STXBP3: variants seen among roughly 807,000 people sequenced by gnomAD.
STXBP3 encodes syntaxin binding protein 3, also known as syntaxin-binding protein 3.
In STXBP3, 41 loss-of-function variants were observed where a neutral mutation model predicts 85.7. The ratio of observed to expected loss-of-function variants is 0.48; its 90% confidence interval spans 0.37 to 0.62. STXBP3 has a LOEUF of 0.62. Among genes scored for constraint, STXBP3 ranks in the 20% least tolerant of loss-of-function variants. STXBP3 has a pLI of 0.00. For missense variants in STXBP3, 563 were observed against 703.1 expected, an observed-to-expected ratio of 0.80 and a Z score of 2.25; for synonymous variants, 229 against 231.7, an observed-to-expected ratio of 0.99 and a Z score of 0.10.
chr1:108,751,966 A>G (rs533166560), intron 1 of STXBP3, among the ~76,000 whole-genome samples: 13 of 152,266 alleles, frequency 8.5e-5, no homozygotes, highest in African/African-American at 2.9e-4. Flanking sequence ...AGAATAGGAA[A>G]AACCAAATCA....
intron 8 of STXBP3, 141 bp from the exon 9 acceptor site, chr1:108,779,145 T>G: frequency 1.2e-6 from 1 of 824,352 alleles, no homozygotes; most frequent in Non-Finnish European, 1.8e-6. Flanking sequence ...CAATTAACCA[T>G]TTGTTTTGTT....
intron 1 of STXBP3, among the ~76,000 whole-genome samples, chr1:108,747,158 G>A (rs371180638): frequency 6.4e-3 from 172 of 26,942 alleles, no homozygotes; most frequent in African/African-American, 0.02. Flanking sequence ...CACCAGTTGG[G>A]GATGTCTCTC....
At chr1:108,794,620 G>A (rs1445904390) in intron 12 of STXBP3, among the ~76,000 whole-genome samples, 1 of 152,198 alleles carries the variant, frequency 6.6e-6, no homozygotes, top group African/African-American at 2.4e-5. Flanking sequence ...ACTACAAGAT[G>A]AGATTTAGGT....
At chr1:108,802,944 A>G (rs972527894) in intron 17 of STXBP3, among the ~76,000 whole-genome samples, 24 of 152,354 alleles carry the variant, frequency 1.6e-4, no homozygotes, top group African/African-American at 5.8e-4. Context: ...TAGTTGGTAT[A>G]TAGTTATATG....
chr1:108,775,585 G>T (rs1662569872), intron 7 of STXBP3, among the ~76,000 whole-genome samples: 1 of 151,584 alleles, frequency 6.6e-6, no homozygotes, highest in African/African-American at 2.4e-5. Flanking sequence ...CCAGCCTCTG[G>T]TAACCATCTT....
At chr1:108,780,150 A>T (rs1415613623) in intron 9 of STXBP3, 1 of 152,182 alleles carries the variant, frequency 6.6e-6, no homozygotes, top group Non-Finnish European at 1.5e-5. Flanking sequence ...TTTTATGTTT[A>T]AACTAATTTG....
intron 6 of STXBP3, chr1:108,766,748 C>T (rs1195473471): frequency 5.5e-6 from 1 of 180,768 alleles, no homozygotes; most frequent in East Asian, 1.7e-4. Context: ...ATTCTTAGAA[C>T]TGGACCATAG....
chr1:108,769,604 TA>T (rs1394373975), intron 6 of STXBP3, among the ~76,000 whole-genome samples: 1 of 152,078 alleles, frequency 6.6e-6, no homozygotes, highest in Non-Finnish European at 1.5e-5. Context: ...TATAGGTTTA[TA>T]AAGATGAAAA....
intron 11 of STXBP3, among the ~76,000 whole-genome samples, chr1:108,789,955 A>C (rs977047234): frequency 6.7e-6 from 1 of 148,300 alleles, no homozygotes; most frequent in Admixed American, 6.8e-5. Flanking sequence ...GGCTCCAGCT[A>C]CTCAGGAGGC....
rs572138519 is a variant in STXBP3, at chr1:108,788,541, G to C, written c.964-5041G>C. On this transcript the variant is annotated intron_variant, in intron 11 of 18. Coordinates refer to ENST00000370008, the MANE Select transcript of STXBP3 (RefSeq NM_007269.4). ...TCAGGCATAGAGACTTCTTTATGGGGAGGTCTTTCGTTATAATTAATGATA... is the reference window on the plus strand; with the variant it reads ...TCAGGCATAGAGACTTCTTTATGGGCAGGTCTTTCGTTATAATTAATGATA... Among the ~76,000 whole-genome samples, 13 of 152,204 alleles carry C rather than the reference G, an allele frequency of 8.5e-5. No individual in the cohort carries two copies. In the East Asian group the frequency reaches 2.5e-3, roughly 29 times the overall value.
At chr1:108,784,379 C>T (rs542173334) in intron 11 of STXBP3, among the ~76,000 whole-genome samples, 27 of 152,306 alleles carry the variant, frequency 1.8e-4, no homozygotes, top group Admixed American at 3.9e-4. Context: ...CACCATGTCA[C>T]AGGGAGAATG....
At chr1:108,748,798 T>A (rs989256754) in intron 1 of STXBP3, among the ~76,000 whole-genome samples, 2 of 152,124 alleles carry the variant, frequency 1.3e-5, no homozygotes, top group African/African-American at 2.4e-5. Flanking sequence ...TGCCACTCAA[T>A]TCAGCCTGGG....
rs372135521 is a variant in STXBP3, at chr1:108,805,702, C to T, written c.1536-1699C>T. 1.4e-4 allele frequency among the ~76,000 whole-genome samples: 21 copies of T among 152,302 alleles called. No homozygotes were observed. In the East Asian group the frequency reaches 3.9e-3, roughly 28 times the overall value. On this transcript the variant is annotated intron_variant, in intron 17 of 18. Coordinates refer to ENST00000370008, the MANE Select transcript of STXBP3 (RefSeq NM_007269.4). ...CCTCCCGAAGTGCTGGGATTACAGA[C>T]GTGAGCCACCACGCCCAGCCAAGAA...
chr1:108,794,728 G>A, intron 12 of STXBP3, 99 bp from the exon 13 acceptor site: 3 of 953,658 alleles, frequency 3.1e-6, no homozygotes, highest in Non-Finnish European at 4.8e-6. Context: ...TTTCACCTCA[G>A]CCCATACTTT....
At chr1:108,783,092 G>A (rs779676136) in intron 11 of STXBP3, among the ~76,000 whole-genome samples, 2 of 152,206 alleles carry the variant, frequency 1.3e-5, no homozygotes, top group Non-Finnish European at 2.9e-5. Context: ...GTTTTGCCAT[G>A]TTGGCCAGGC....
rs746467855 is a variant in STXBP3, at chr1:108,794,847, A to G, written c.1050A>G (p.Leu350=). 4 of 1,610,752 alleles carry G rather than the reference A, an allele frequency of 2.5e-6. No individual in the cohort carries two copies. The highest frequency in any genetic ancestry group is 3.4e-6 in the Non-Finnish European group (4 of 1,178,166). The change falls in exon 13 of 19, where the codon TTA becomes TTG. Residue 350 remains leucine (L), a synonymous_variant. Coordinates refer to ENST00000370008, the MANE Select transcript of STXBP3 (RefSeq NM_007269.4). The stretch of plus-strand genomic sequence containing the variant: ...TTCAGCAAGTTGTCCATCTTAACTT[A>G]GCAGAAGATTGCATGAATAAGTTCA... ...QITKQVVHLN[L]AEDCMNKFKL... is the part of the protein sequence containing the mutation.
intron 12 of STXBP3, 136 bp from the exon 13 acceptor site, chr1:108,794,691 C>A: frequency 1.5e-6 from 1 of 665,376 alleles, no homozygotes; most frequent in Non-Finnish European, 2.6e-6. Flanking sequence ...CTTTCTTGAG[C>A]TGTTCCCTTG....
intron 17 of STXBP3, among the ~76,000 whole-genome samples, chr1:108,803,009 A>T (rs944297039): frequency 6.6e-6 from 1 of 152,226 alleles, no homozygotes; most frequent in African/African-American, 2.4e-5. Flanking sequence ...GGCTATCTCA[A>T]AACTGGCATT....
rs1662067237 is a variant in STXBP3, at chr1:108,758,588, TGTAA to T, written c.337+3_337+6del. The T allele has an allele frequency of 1.4e-6, 2 of 1,472,668 alleles. No homozygotes were observed. Among genetic ancestry groups the T allele is most frequent in the Non-Finnish European group, 1.8e-6 (2 of 1,096,906 alleles). The allele number at this position is 1,472,668 out of a possible 1,614,324, so 91.2% of individuals were successfully genotyped here. A position where few individuals can be genotyped will look rare whatever the true frequency, so the allele number is the denominator to read the frequency against. ...AGCAGCATATATTTACTTCACTGAC[TGTAA>T]GTCTTTTAAAAAGTTATTGCTTCAT... On this transcript the variant is annotated splice_donor_variant and splice_donor_region_variant and intron_variant, in intron 5 of 18. Coordinates refer to ENST00000370008, the MANE Select transcript of STXBP3 (RefSeq NM_007269.4). LOFTEE classifies it high-confidence loss of function.
Sources: gnomAD v4.1 joint callset for allele counts (sites outside exome capture counted in the v4.1 genomes callset) on GRCh38, gnomAD v4.1.1 for gene constraint, MANE v1.5 for transcripts, NCBI Gene and HGNC (gene_info 2026-07-23, HGNC 2026-07-21) for gene names.